ERC1: variants seen among roughly 807,000 people sequenced by gnomAD.
ERC1 encodes the protein RAB6 interacting protein 2.
Under a neutral mutation model 132.0 loss-of-function variants are expected in ERC1, and 56 were observed. The ratio of observed to expected loss-of-function variants is 0.42; its 90% CI spans 0.34 to 0.53. ERC1 has a LOEUF of 0.53. Among genes scored for constraint, ERC1 ranks in the 20% least tolerant of loss-of-function variants. The probability of loss-of-function intolerance (pLI) is 0.03; values close to 1 mark genes in which losing one functional copy is unlikely to be tolerated. For missense variants in ERC1, 1,202 were observed against 1,349.9 expected, an observed-to-expected ratio of 0.89 and a Z score of 1.72; for synonymous variants, 478 against 476.1, an observed-to-expected ratio of 1.00 and a Z score of -0.05.
At chr12:1,029,948 G>A (rs955883468) in intron 2 of ERC1, among the ~76,000 whole-genome samples, 4 of 151,932 alleles carry the variant, frequency 2.6e-5, no homozygotes, top group Admixed American at 2.0e-4. Flanking sequence ...GGGTTTCACC[G>A]TGTTGGCCAG....
intron 11 of ERC1, among the ~76,000 whole-genome samples, chr12:1,184,308 T>G (rs1473750757): frequency 6.7e-6 from 1 of 149,714 alleles, no homozygotes; most frequent in African/African-American, 2.5e-5. Context: ...GGGCACATAT[T>G]GTCAGAAAGT....
chr12:1,033,608 C>T (rs1187798058), intron 2 of ERC1, among the ~76,000 whole-genome samples: 1 of 151,708 alleles, frequency 6.6e-6, no homozygotes, highest in Non-Finnish European at 1.5e-5. Context: ...GGATTACAGG[C>T]GTGTGCCACC....
At chr12:1,338,152 A>G (rs995714364) in intron 15 of ERC1, among the ~76,000 whole-genome samples, 1 of 152,150 alleles carries the variant, frequency 6.6e-6, no homozygotes, top group African/African-American at 2.4e-5. Context: ...CGCTCTCCCC[A>G]TCTCTTTCAG....
chr12:1,380,643 C>G (rs2088542485), intron 16 of ERC1: 1 of 152,248 alleles, frequency 6.6e-6, no homozygotes, highest in South Asian at 2.1e-4. Flanking sequence ...GGATGAAGGG[C>G]ACCTGCTGAG....
intron 1 of ERC1, among the ~76,000 whole-genome samples, chr12:1,016,566 T>G (rs1965530375): frequency 6.6e-6 from 1 of 151,910 alleles, no homozygotes; most frequent in Non-Finnish European, 1.5e-5. Context: ...TTCTGTGGGG[T>G]GAGGCGAGAC....
At chr12:1,029,896 C>T (rs1013999715) in intron 2 of ERC1, among the ~76,000 whole-genome samples, 4 of 151,788 alleles carry the variant, frequency 2.6e-5, no homozygotes, top group Non-Finnish European at 4.4e-5. Flanking sequence ...TACAGGTGCC[C>T]GCCACCACGC....
At chr12:1,434,004 G>A (rs2092880638) in intron 17 of ERC1, among the ~76,000 whole-genome samples, 1 of 146,288 alleles carries the variant, frequency 6.8e-6, no homozygotes, top group Admixed American at 6.8e-5. Flanking sequence ...AAAAAAAGGT[G>A]TACTCCCTGG....
rs555381290 is a variant in ERC1 at position 1,440,322 on chromosome 12, A to G, written c.3025-4240A>G. ...TGGGTTCACGCCATTCTCCTGCCTC[A>G]GCCTCCCGAGTAGCTGGGACTACAG... On this transcript the variant is annotated intron_variant, in intron 17 of 18. Coordinates refer to ENST00000360905, the MANE Select transcript of ERC1 (RefSeq NM_178040.4). Among the ~76,000 whole-genome samples the G allele has an allele frequency of 2.7e-4, 38 of 142,712 alleles. 1 individual carries two copies. Among genetic ancestry groups the G allele is most frequent in the African/African-American group, 9.7e-4 (36 of 37,220 alleles). 93.6% of individuals were successfully genotyped at this position (142,712 alleles called of 152,430 possible).
chr12:1,485,415 G>A (rs969828216), intron 18 of ERC1, among the ~76,000 whole-genome samples: 1 of 151,714 alleles, frequency 6.6e-6, no homozygotes, highest in Admixed American at 6.6e-5. Context: ...ACATTGGCCA[G>A]GCTGGTCTTG....
chr12:1,136,432 T>C (rs540277188), intron 7 of ERC1, among the ~76,000 whole-genome samples: 18 of 152,368 alleles, frequency 1.2e-4, no homozygotes, highest in Non-Finnish European at 1.8e-4. Flanking sequence ...TCTACACTTC[T>C]GTTGCAGCAC....
At chr12:1,263,989 CAA>C (rs771508866) in intron 14 of ERC1, among the ~76,000 whole-genome samples, 1 of 136,626 alleles carries the variant, frequency 7.3e-6, no homozygotes, top group African/African-American at 2.7e-5. Context: ...TGTGCCCGGC[CAA>C]AAAAAAAAAG....
At chr12:1,187,681 G>A (rs1955257456) in intron 11 of ERC1, among the ~76,000 whole-genome samples, 1 of 152,026 alleles carries the variant, frequency 6.6e-6, no homozygotes, top group South Asian at 2.1e-4. Context: ...TTAGGCCTAT[G>A]GGCTGTTTTA....
rs2082167380 is a variant in ERC1 at position 1,322,278 on chromosome 12, T to G, written c.2780+32266T>G. On this transcript the variant is annotated intron_variant, in intron 15 of 18. Transcript: ENST00000360905. ...AGAATGTACAGTAGATAGTAGGCTC[T>G]CACTACATGCTGGTTTTCCTTCTTC... is the stretch of plus-strand genomic sequence containing the variant. Among the ~76,000 whole-genome samples the G allele has an allele frequency of 2.0e-5, 3 of 152,316 alleles. No individual in the cohort carries two copies. The South Asian group carries it at 6.2e-4, about 32-fold the overall frequency.
At chr12:1,285,530 T>A (rs527752856) in intron 14 of ERC1, among the ~76,000 whole-genome samples, 2 of 152,288 alleles carry the variant, frequency 1.3e-5, no homozygotes, top group East Asian at 3.9e-4. Flanking sequence ...GCTAGAAAGA[T>A]ATAAAGATAT....
intron 17 of ERC1, among the ~76,000 whole-genome samples, chr12:1,442,073 G>A (rs551922939): frequency 1.2e-4 from 18 of 152,092 alleles, no homozygotes; most frequent in South Asian, 2.1e-4. Context: ...GATTACAGGC[G>A]CACGCCACCA....
intron 2 of ERC1, among the ~76,000 whole-genome samples, chr12:1,050,673 T>C (rs1592950392): frequency 6.6e-6 from 1 of 152,298 alleles, no homozygotes; most frequent in South Asian, 2.1e-4. Flanking sequence ...AATGAAACTG[T>C]CACTACTACA....
Position 1,083,581 on chromosome 12 carries a change from G to C in ERC1, c.1086+1G>C. On this transcript the variant is annotated splice_donor_variant, in intron 3 of 18. Transcript: ENST00000360905. LOFTEE classifies it high-confidence loss of function. The stretch of plus-strand genomic sequence containing the variant: ...AAAAGAGAACAGTATGTTGAGAGAG[G>C]TATGTGACTACTTTTTTAGTTTTAT... The C allele has an allele frequency of 6.4e-7, 1 of 1,570,996 alleles. No individual in the cohort carries two copies.
intron 8 of ERC1, among the ~76,000 whole-genome samples, chr12:1,169,821 G>A (rs1049297140): frequency 1.3e-5 from 2 of 152,078 alleles, no homozygotes; most frequent in Non-Finnish European, 2.9e-5. Context: ...TTTGAAGAAA[G>A]ACTCCCCAAA....
intron 18 of ERC1, among the ~76,000 whole-genome samples, chr12:1,471,537 A>G (rs1404954229): frequency 6.6e-6 from 1 of 152,232 alleles, no homozygotes; most frequent in Non-Finnish European, 1.5e-5. Flanking sequence ...GAAGTGTTGT[A>G]TCTATTGTAG....
Sources: gnomAD v4.1 joint callset for allele counts (sites outside exome capture counted in the v4.1 genomes callset) on GRCh38, gnomAD v4.1.1 for gene constraint, MANE v1.5 for transcripts, NCBI Gene and HGNC (gene_info 2026-07-23, HGNC 2026-07-21) for gene names.